Variants in SCN3A observed in about 807,000 individuals in gnomAD.
The protein encoded by SCN3A is sodium voltage-gated channel alpha subunit 3.
In SCN3A, 60 loss-of-function variants were observed where a neutral mutation model predicts 187.6. The observed-to-expected ratio is 0.32, with a 90% CI of 0.26 to 0.40. SCN3A has a LOEUF of 0.40. Ranked by LOEUF, SCN3A falls within the 10% of genes least tolerant of loss-of-function variation. The pLI is 1.00. For synonymous variants in SCN3A, 788 were observed against 829.2 expected (o/e 0.95, Z 0.85); for missense variants, 1,601 against 2,428.2 (o/e 0.66, Z 7.16).
intron 10 of SCN3A, among the ~76,000 whole-genome samples, chr2:165,155,064 A>G (rs998725023): frequency 1.3e-5 from 2 of 152,160 alleles, no homozygotes; most frequent in Non-Finnish European, 2.9e-5. Flanking sequence ...TTCTAGTCTC[A>G]GTTAATAGCT....
chr2:165,167,303 G>A (rs62174950), intron 5 of SCN3A, among the ~76,000 whole-genome samples: 12,624 of 152,066 alleles, frequency 0.083, 652 homozygotes, highest in Non-Finnish European at 0.097. Flanking sequence ...TAAGTTAAAT[G>A]GCTTTCCTCA....
At chr2:165,197,772 C>T (rs1447194210) in intron 1 of SCN3A, among the ~76,000 whole-genome samples, 1 of 151,736 alleles carries the variant, frequency 6.6e-6, no homozygotes, top group South Asian at 2.1e-4. Flanking sequence ...TAAGAGAACA[C>T]AATATGATGG....
intron 9 of SCN3A, among the ~76,000 whole-genome samples, chr2:165,159,192 A>G (rs1689220469): frequency 7.3e-6 from 1 of 137,926 alleles, no homozygotes; most frequent in South Asian, 2.3e-4. Flanking sequence ...CCTAATGACA[A>G]ATGATGTCGA....
chr2:165,182,893 C>T (rs1372017550), intron 2 of SCN3A, among the ~76,000 whole-genome samples: 1 of 149,976 alleles, frequency 6.7e-6, no homozygotes, highest in Non-Finnish European at 1.5e-5. Flanking sequence ...AGGAGGATTG[C>T]TTGAGCCCAG....
intron 7 of SCN3A, 122 bp downstream of exon 7, chr2:165,163,496 A>T: frequency 8.7e-7 from 1 of 1,153,750 alleles, no homozygotes; most frequent in Non-Finnish European, 1.3e-6. Flanking sequence ...TTGAAACATC[A>T]TTTGGCATTA....
At chr2:165,116,652 T>G (rs1420324192) in intron 18 of SCN3A, among the ~76,000 whole-genome samples, 1 of 152,110 alleles carries the variant, frequency 6.6e-6, no homozygotes, top group East Asian at 1.9e-4. Context: ...ACAGTTCATG[T>G]TGGGGAAATT....
intron 7 of SCN3A, 27 bp downstream of exon 7, chr2:165,163,591 A>T: frequency 6.2e-7 from 1 of 1,611,990 alleles, no homozygotes; most frequent in Non-Finnish European, 8.5e-7. Flanking sequence ...AATTAAAGTC[A>T]ACCTCGGTGT....
intron 21 of SCN3A, among the ~76,000 whole-genome samples, chr2:165,109,818 T>C (rs1395777780): frequency 6.6e-6 from 1 of 152,238 alleles, no homozygotes; most frequent in Non-Finnish European, 1.5e-5. Context: ...ATATGATGTA[T>C]AGTAAATTAC....
chr2:165,116,360 A>G (rs10930150), intron 18 of SCN3A, among the ~76,000 whole-genome samples: 21,007 of 152,248 alleles, frequency 0.14, 1,602 homozygotes, highest in Non-Finnish European at 0.16. Context: ...TCATTGTGAC[A>G]TGCCACATGG....
chr2:165,122,556 T>C (rs1199336044), intron 18 of SCN3A, among the ~76,000 whole-genome samples: 1 of 152,306 alleles, frequency 6.6e-6, no homozygotes, highest in East Asian at 1.9e-4. Flanking sequence ...AAATAGATAT[T>C]ACAAATCCTA....
Position 165,140,870 on chromosome 2 carries a change from T to G in SCN3A, c.1800A>C (p.Thr600=). Residue 600 remains threonine, a synonymous_variant, in exon 13 of 28, where the codon ACA becomes ACC. Coordinates refer to ENST00000283254, the MANE Select transcript of SCN3A (RefSeq NM_006922.4). The surrounding 1 kb of genome is among the most constrained non-coding windows in gnomAD (Gnocchi z 4.2). ...ENDFADDEHS[T]FEDSESRRDS... is the part of the protein sequence containing the mutation. ...CTCTCCTGCTTTCGCTGTCTTCAAA[T>G]GTGCTGTGTTCATCATCAGCAAAGT... The G allele has an allele frequency of 6.2e-7, 1 of 1,614,122 alleles. No homozygotes were observed.
In SCN3A at chr2:165,164,373, A is replaced by G. The variant is rs1689605701; in HGVS notation, c.602+19T>C. 1 of 1,613,648 alleles carries G rather than the reference A, an allele frequency of 6.2e-7. No individual in the cohort carries two copies. The highest frequency in any genetic ancestry group is 8.5e-7 in the Non-Finnish European group (1 of 1,179,724). On this transcript the variant is annotated intron_variant, in intron 6 of 27. Transcript: ENST00000283254. ...TATTTTCACTCCTTTGCGCTTATCA[A>G]ATTTTCAAAGTTACTCACGCCATCA...
At chr2:165,146,589 C>T (rs1688351218) in intron 12 of SCN3A, 150 bp downstream of exon 12, 1 of 755,856 alleles carries the variant, frequency 1.3e-6, no homozygotes, top group Non-Finnish European at 2.1e-6. Flanking sequence ...TGAAGACAAT[C>T]TATTATAAGA....
At position 165,164,494 on chromosome 2, in the gene SCN3A, A is replaced by G. The variant is rs779054143; in HGVS notation, c.500T>C (p.Phe167Ser). The G allele has an allele frequency of 4.3e-6, 7 of 1,613,692 alleles. No homozygotes were observed. The highest frequency in any genetic ancestry group is 1.7e-5 in the Admixed American group (1 of 59,952). The change falls in exon 6 of 28, where the codon TTT becomes TCT. Residue 167 changes from phenylalanine to serine, a missense_variant. By Grantham distance (155) the Phe-to-Ser change is radical. Transcript: ENST00000283254. ...VEYTFTGIYT[F>S]ESLIKILARG... is the part of the protein sequence containing the mutation. ...TGCCAAGATTTTTATAAGTGACTCAAAGGTATAGATTCCAGTGAATGTGTA... is the reference window on the plus strand; with the variant it reads ...TGCCAAGATTTTTATAAGTGACTCAGAGGTATAGATTCCAGTGAATGTGTA...
intron 4 of SCN3A, 55 bp from the exon 5 acceptor site, chr2:165,168,880 G>A: frequency 8.3e-7 from 1 of 1,205,750 alleles, no homozygotes; most frequent in Non-Finnish European, 1.2e-6. Flanking sequence ...ATTTATAAAT[G>A]ATCCAAAACA....
rs146435964 is a variant in SCN3A at position 165,095,181 on chromosome 2, A to G, written c.4431+330T>C. On this transcript the variant is annotated intron_variant, in intron 25 of 27. Coordinates refer to ENST00000283254, the MANE Select transcript of SCN3A (RefSeq NM_006922.4). ...ATGTAGTAGGGAAATACACATGTAT[A>G]GAGTGAAGTGTAGGAAAAAATGAAG... Among the ~76,000 whole-genome samples the G allele has an allele frequency of 2.4e-3, 362 of 152,314 alleles. 1 individual carries two copies. Among genetic ancestry groups the G allele is most frequent in the Non-Finnish European group, 3.9e-3 (266 of 68,026 alleles).
chr2:165,179,663 A>T (rs1434838353), intron 2 of SCN3A: 1 of 152,236 alleles, frequency 6.6e-6, no homozygotes, highest in African/African-American at 2.4e-5. Context: ...CTCGGAAGAT[A>T]GGCTAGTTCC....
chr2:165,104,146 T>C (rs73969180), intron 21 of SCN3A, among the ~76,000 whole-genome samples: 34,428 of 151,810 alleles, frequency 0.23, 3,811 homozygotes, highest in South Asian at 0.27. Flanking sequence ...TCTTTTTGAA[T>C]TACAAAAACT....
intron 15 of SCN3A, among the ~76,000 whole-genome samples, chr2:165,136,965 C>T (rs915145424): frequency 6.6e-6 from 1 of 152,084 alleles, no homozygotes; most frequent in Non-Finnish European, 1.5e-5. Context: ...CTGATTAAAT[C>T]AGAGGTGAGC....
Sources: gnomAD v4.1 joint callset for allele counts (sites outside exome capture counted in the v4.1 genomes callset) on GRCh38, gnomAD v4.1.1 for gene constraint, Gnocchi (gnomAD v3.1) non-coding constraint, MANE v1.5 for transcripts, NCBI Gene and HGNC (gene_info 2026-07-23, HGNC 2026-07-21) for gene names.